The following CCT8 variants were observed in gnomAD, a reference collection of about 807,000 sequenced individuals.
CCT8 encodes the protein T-complex protein 1 subunit theta.
A neutral mutation model predicts 65.7 loss-of-function variants in CCT8; 10 were observed. The observed-to-expected ratio is 0.15, with a 90% CI of 0.09 to 0.26. The LOEUF is 0.26. Among genes scored for constraint, CCT8 ranks in the 10% least tolerant of loss-of-function variants. The pLI, the probability that CCT8 is intolerant of heterozygous loss-of-function variation, is 1.00. For synonymous variants in CCT8, 199 were observed against 221.8 expected (o/e 0.90, Z 0.92); for missense variants, 568 against 669.1 (o/e 0.85, Z 1.67).
rs2085607451 is a variant in CCT8, at chr21:29,065,109, A to T, written c.625-4T>A. On this transcript the variant is annotated splice_region_variant and splice_polypyrimidine_tract_variant and intron_variant, in intron 6 of 14. Transcript: ENST00000286788. ...AAGAGGAACTGATACCAGAGCCCTA[A>T]GGAATTGAATACCAAACTCATCAGC... 6.2e-7 allele frequency: 1 copy of T among 1,613,566 alleles called. No individual in the cohort carries two copies. The highest frequency in any genetic ancestry group is 1.3e-5 in the African/African-American group (1 of 74,922).
intron 1 of CCT8, among the ~76,000 whole-genome samples, chr21:29,070,620 G>C (rs75570473): frequency 0.015 from 2,256 of 152,236 alleles, 60 homozygotes; most frequent in African/African-American, 0.052. Flanking sequence ...GTAAAACACA[G>C]CATTTGATAT....
chr21:29,060,778 T>TTATAGAGTCATCTTG, intron 13 of CCT8, 118 bp from the exon 14 acceptor site: 3 of 1,065,990 alleles, frequency 2.8e-6, no homozygotes, highest in Non-Finnish European at 4.1e-6. Context: ...AGCACAGTCC[T>TTATAGAGTCATCTTG]ACCTTATAGA....
chr21:29,057,295 CTGAG>C (rs1401681921), intron 14 of CCT8, among the ~76,000 whole-genome samples: 2 of 151,748 alleles, frequency 1.3e-5, no homozygotes, highest in Admixed American at 6.6e-5. Flanking sequence ...CCTCAGCCTC[CTGAG>C]TAACTGGGAT....
intron 14 of CCT8, among the ~76,000 whole-genome samples, chr21:29,057,608 A>AAAAATATATATATATAT: frequency 8.1e-6 from 1 of 123,954 alleles, no homozygotes; most frequent in Non-Finnish European, 1.9e-5. Flanking sequence ...TACAAAAACT[A>AAAAATATATATATATAT]AAAATATATA....
intron 14 of CCT8, 80 bp downstream of exon 14, chr21:29,060,461 A>G: frequency 1.4e-6 from 2 of 1,385,726 alleles, no homozygotes; most frequent in African/African-American, 1.4e-5. Flanking sequence ...GAACTATGCT[A>G]TGTTCTAGTT....
intron 8 of CCT8, 38 bp from the exon 9 acceptor site, chr21:29,062,594 C>T (rs376132055): frequency 9.5e-5 from 145 of 1,530,726 alleles, no homozygotes; most frequent in Non-Finnish European, 1.3e-4. Flanking sequence ...AAGTTTTAAT[C>T]AATTTCAGAT....
chr21:29,064,944 T>C, intron 7 of CCT8, 24 bp downstream of exon 7: 1 of 1,608,402 alleles, frequency 6.2e-7, no homozygotes, highest in Non-Finnish European at 8.5e-7. Context: ...CAATTATTAC[T>C]TTTAAGGTTT....
At chr21:29,066,204 AG>A (rs2085620786) in intron 6 of CCT8, among the ~76,000 whole-genome samples, 1 of 152,190 alleles carries the variant, frequency 6.6e-6, no homozygotes. Context: ...TTAAATAGGT[AG>A]TAGTATTATT....
Position 29,067,279 on chromosome 21 carries a change from G to C in CCT8, c.382-208C>G, listed in dbSNP as rs180770502. Reference sequence around the variant, plus strand: ...ACTCTACCTAACTCACTAGCTATGAGATCTTGGGCAAGATTTTTCTAATTT... The same window carrying C: ...ACTCTACCTAACTCACTAGCTATGACATCTTGGGCAAGATTTTTCTAATTT... On this transcript the variant is annotated intron_variant, in intron 4 of 14. Transcript: ENST00000286788. 3.7e-4 allele frequency among the ~76,000 whole-genome samples: 56 copies of C among 152,190 alleles called. 1 individual carries two copies. Among genetic ancestry groups the C allele is most frequent in the Admixed American group, 6.5e-4 (10 of 15,280 alleles).
chr21:29,058,640 GGAGTA>G (rs2085530571), intron 14 of CCT8, among the ~76,000 whole-genome samples: 1 of 149,260 alleles, frequency 6.7e-6, no homozygotes, highest in South Asian at 2.1e-4. Flanking sequence ...CGCCCAGGCT[GGAGTA>G]CAGTGGTGCC....
At chr21:29,067,176 A>G in intron 4 of CCT8, 105 bp from the exon 5 acceptor site, 2 of 798,784 alleles carry the variant, frequency 2.5e-6, no homozygotes, top group South Asian at 2.1e-5. Context: ...GACAAAGAAT[A>G]TACTTCGGAA....
chr21:29,058,168 G>T (rs2085525040), intron 14 of CCT8: 1 of 152,228 alleles, frequency 6.6e-6, no homozygotes, highest in Admixed American at 6.5e-5. Flanking sequence ...GCTGGGTGTG[G>T]TGGCTCATGC....
intron 6 of CCT8, 38 bp downstream of exon 6, chr21:29,066,678 T>A (rs2085626250): frequency 1.5e-6 from 2 of 1,327,580 alleles, no homozygotes; most frequent in East Asian, 2.4e-5. Flanking sequence ...ACAAAAAAAC[T>A]GACCTAGATA....
chr21:29,072,435 C>T (rs1018048723), intron 1 of CCT8, among the ~76,000 whole-genome samples: 1 of 152,072 alleles, frequency 6.6e-6, no homozygotes, highest in Admixed American at 6.5e-5. Context: ...TTGTGATACA[C>T]GAGTTTTCCA....
rs774223355 is a variant in CCT8 at position 29,067,056 on chromosome 21, C to T, written c.397G>A (p.Glu133Lys). The change falls in exon 5 of 15, where the codon GAA (glutamate) becomes AAA (lysine). Residue 133 changes from glutamate (E) to lysine (K), a missense_variant. Glu to Lys is a moderately conservative substitution (Grantham distance 56). Coordinates refer to ENST00000286788, the MANE Select transcript of CCT8 (RefSeq NM_006585.4). The part of the protein sequence containing the change: ...LSVSEVIEGY[E>K]IACRKAHEIL... The stretch of plus-strand genomic sequence containing the variant: ...TCATGAGCTTTTCTGCAGGCTATTT[C>T]ATAACCTTCTATGACCTAAAACATA... The T allele has an allele frequency of 3.1e-6, 5 of 1,610,172 alleles. No homozygotes were observed. In the South Asian group the frequency reaches 5.5e-5, roughly 18 times the overall value.
intron 7 of CCT8, 24 bp downstream of exon 7, chr21:29,064,944 T>G: frequency 3.7e-6 from 6 of 1,608,402 alleles, no homozygotes; most frequent in Non-Finnish European, 5.1e-6. Flanking sequence ...CAATTATTAC[T>G]TTTAAGGTTT....
At chr21:29,061,462 G>C in intron 12 of CCT8, 34 bp downstream of exon 12, 1 of 1,613,300 alleles carries the variant, frequency 6.2e-7, no homozygotes, top group Non-Finnish European at 8.5e-7. Context: ...TCAAGCAATG[G>C]AAAGAAAGTC....
Position 29,060,463 on chromosome 21 carries a change from G to C in CCT8, c.1569+78C>G, listed in dbSNP as rs1185302129. 7 of 1,430,432 alleles carry C rather than the reference G, an allele frequency of 4.9e-6. No homozygotes were observed. The Admixed American group carries it at 8.9e-5, about 18-fold the overall frequency. 88.6% of individuals were successfully genotyped at this position (1,430,432 alleles called of 1,614,324 possible). ...ATCCTTTGAATTAGAACTATGCTAT[G>C]TTCTAGTTCTGGGAAAATATACTAT... On this transcript the variant is annotated intron_variant, in intron 14 of 14. Transcript: ENST00000286788.
chr21:29,058,297 T>G (rs1045661412), intron 14 of CCT8: 6 of 151,664 alleles, frequency 4.0e-5, no homozygotes, highest in African/African-American at 1.5e-4. Flanking sequence ...AAAAATTAGG[T>G]GGGCATGGTG....
Sources: gnomAD v4.1 joint callset for allele counts (sites outside exome capture counted in the v4.1 genomes callset) on GRCh38, gnomAD v4.1.1 for gene constraint, MANE v1.5 for transcripts, NCBI Gene and HGNC (gene_info 2026-07-23, HGNC 2026-07-21) for gene names.